Variants in C8orf34 observed in about 807,000 individuals in gnomAD.
C8orf34 encodes the protein uncharacterized protein C8orf34.
Under a neutral mutation model 68.3 loss-of-function variants are expected in C8orf34, and 65 were observed. The ratio of observed to expected loss-of-function variants is 0.95; its 90% CI spans 0.78 to 1.17. C8orf34 has a LOEUF of 1.17. Ranked by LOEUF, C8orf34 falls within the 50% of genes most tolerant of loss-of-function variation. The pLI is 0.00. For missense variants in C8orf34, 664 were observed against 655.4 expected (o/e 1.01, Z -0.14); for synonymous variants, 244 against 241.2 (o/e 1.01, Z -0.11).
At chr8:68,488,098 T>A in intron 5 of C8orf34, 47 bp downstream of exon 5, 1 of 1,343,736 alleles carries the variant, frequency 7.4e-7, no homozygotes, top group Non-Finnish European at 1.0e-6. Context: ...AGAACTTACC[T>A]TTTATTCCAC....
chr8:68,408,254 T>C (rs1809286582), intron 1 of C8orf34, among the ~76,000 whole-genome samples: 1 of 151,834 alleles, frequency 6.6e-6, no homozygotes, highest in Admixed American at 6.6e-5. Context: ...CACCCCCAGA[T>C]GGGACCATCT....
chr8:68,348,321 C>T lies in C8orf34; in HGVS notation c.327+16982C>T, dbSNP rs111669042. ...CTCTCTATTCTGTTCCACTGGTCTA[C>T]GTGCCTGTTTTTATACCAGTATCAT... On this transcript the variant is annotated intron_variant, in intron 1 of 13. Transcript: ENST00000518698. Among the ~76,000 whole-genome samples the T allele has an allele frequency of 8.1e-3, 1,236 of 151,798 alleles. 41 individuals carry two copies. The East Asian group carries it at 0.1, about 13-fold the overall frequency.
chr8:68,567,562 TTTTG>T (rs1396419809), intron 7 of C8orf34, among the ~76,000 whole-genome samples: 1 of 149,338 alleles, frequency 6.7e-6, no homozygotes, highest in Non-Finnish European at 1.5e-5. Flanking sequence ...TCTTTTCAAA[TTTTG>T]TTTCATTTAT....
At chr8:68,406,617 T>C (rs916076290) in intron 1 of C8orf34, among the ~76,000 whole-genome samples, 22 of 152,046 alleles carry the variant, frequency 1.4e-4, no homozygotes, top group African/African-American at 5.1e-4. Flanking sequence ...GGCCCCAGCC[T>C]TTCAAGTAGC....
Position 68,774,333 on chromosome 8 carries a change from A to G in C8orf34, c.1405-2066A>G, listed in dbSNP as rs200021608. On this transcript the variant is annotated intron_variant, in intron 10 of 13. Transcript: ENST00000518698. ...TGTATAAAAATATGGGTGTGTGTGTATATATATATATATATAAAATAAACA... is the reference window on the plus strand; with the variant it reads ...TGTATAAAAATATGGGTGTGTGTGTGTATATATATATATATAAAATAAACA... Among the ~76,000 whole-genome samples, 23 of 141,634 alleles carry G rather than the reference A, an allele frequency of 1.6e-4. No homozygotes were observed. In the East Asian group the frequency reaches 1.8e-3, roughly 11 times the overall value. The allele number at this position is 141,634 out of a possible 152,430, so 92.9% of individuals were successfully genotyped here.
Position 68,645,432 on chromosome 8 carries a change from C to A in C8orf34, c.1241+4921C>A, listed in dbSNP as rs542842182. ...TAAGATATTAAGGAAAAAAGAGCCT[C>A]ATTTTCCTGACATTGAGTGTTTTCT... On this transcript the variant is annotated intron_variant, in intron 8 of 13. Coordinates refer to ENST00000518698, the MANE Select transcript of C8orf34 (RefSeq NM_052958.4). Among the ~76,000 whole-genome samples, 96 of 152,264 alleles carry A rather than the reference C, an allele frequency of 6.3e-4. 1 individual carries two copies. The highest frequency in any genetic ancestry group is 2.2e-3 in the African/African-American group (92 of 41,562).
rs756583501 is a variant in C8orf34 at position 68,533,043 on chromosome 8, C to T, written c.999C>T (p.Leu333=). Residue 333 remains leucine, a synonymous_variant, in exon 7 of 14, where the codon CTC becomes CTT. Coordinates refer to ENST00000518698, the MANE Select transcript of C8orf34 (RefSeq NM_052958.4). ...LKQQQQQHKK[L]LAAMLSQDSF... is the part of the protein sequence containing the mutation. ...AGCAGCAACAGCAACATAAGAAACT[C>T]CTGGCCGCAATGCTCTCTCAAGATT... 7 of 1,611,416 alleles carry T rather than the reference C, an allele frequency of 4.3e-6. No individual in the cohort carries two copies. Among genetic ancestry groups the T allele is most frequent in the Admixed American group, 1.7e-5 (1 of 59,938 alleles).
At chr8:68,461,244 A>C (rs975483150) in intron 3 of C8orf34, among the ~76,000 whole-genome samples, 1 of 152,332 alleles carries the variant, frequency 6.6e-6, no homozygotes, top group Admixed American at 6.5e-5. Flanking sequence ...TTAGAGAAAA[A>C]CGAATAAAAA....
chr8:68,379,536 G>T (rs562884919), intron 1 of C8orf34, among the ~76,000 whole-genome samples: 1 of 152,238 alleles, frequency 6.6e-6, no homozygotes, highest in South Asian at 2.1e-4. Context: ...TGCTACTCTT[G>T]TTTTTCTTTC....
At chr8:68,662,917 A>G (rs1819725172) in intron 8 of C8orf34, among the ~76,000 whole-genome samples, 1 of 152,202 alleles carries the variant, frequency 6.6e-6, no homozygotes, top group South Asian at 2.1e-4. Context: ...TCACCCAAAT[A>G]TGCCTCTTTG....
At chr8:68,665,831 T>C (rs1444906195) in intron 8 of C8orf34, among the ~76,000 whole-genome samples, 1 of 151,784 alleles carries the variant, frequency 6.6e-6, no homozygotes, top group African/African-American at 2.4e-5. Flanking sequence ...TTATTATTGA[T>C]TTCACTCCAT....
At chr8:68,563,140 A>G (rs1209297211) in intron 7 of C8orf34, among the ~76,000 whole-genome samples, 4 of 152,316 alleles carry the variant, frequency 2.6e-5, no homozygotes, top group Non-Finnish European at 5.9e-5. Context: ...TGATACTTTC[A>G]GTAATTAACA....
chr8:68,708,993 G>A lies in C8orf34; in HGVS notation c.1242-1G>A, dbSNP rs1325920311. On this transcript the variant is annotated splice_acceptor_variant, in intron 8 of 13. Coordinates refer to ENST00000518698, the MANE Select transcript of C8orf34 (RefSeq NM_052958.4). LOFTEE classifies it high-confidence loss of function. ...TTCAATGATCATTTTTAATTATTTA[G>A]GCTTCAAGGAGACAACCTGGAAGAA... 1.3e-6 allele frequency: 2 copies of A among 1,594,582 alleles called. No individual in the cohort carries two copies. Among genetic ancestry groups the A allele is most frequent in the Non-Finnish European group, 1.7e-6 (2 of 1,167,542 alleles).
At chr8:68,435,194 A>G (rs2129625229) in intron 1 of C8orf34, among the ~76,000 whole-genome samples, 1 of 148,854 alleles carries the variant, frequency 6.7e-6, no homozygotes, top group South Asian at 2.1e-4. Flanking sequence ...TATATAATAA[A>G]AATATATAAA....
In C8orf34 at chr8:68,389,565, T is replaced by C. The variant is rs143606319; in HGVS notation, c.328-49934T>C. Reference sequence around the variant, plus strand: ...TATACTTGTTATCCACATGGTACATTAGCCTCCCTTGTTAAGAGGCAGGGA... The same window carrying C: ...TATACTTGTTATCCACATGGTACATCAGCCTCCCTTGTTAAGAGGCAGGGA... On this transcript the variant is annotated intron_variant, in intron 1 of 13. Transcript: ENST00000518698. 2.2e-3 allele frequency among the ~76,000 whole-genome samples: 328 copies of C among 152,258 alleles called. 2 individuals are homozygous for C. The highest frequency in any genetic ancestry group is 7.8e-3 in the African/African-American group (325 of 41,550).
chr8:68,488,439 TTTTG>T (rs1479185241), intron 5 of C8orf34, among the ~76,000 whole-genome samples: 14 of 152,152 alleles, frequency 9.2e-5, no homozygotes, highest in African/African-American at 1.7e-4. Context: ...CAATAAAGCT[TTTTG>T]TTTGTTTATT....
chr8:68,638,027 G>T (rs910852525), intron 7 of C8orf34, among the ~76,000 whole-genome samples: 2 of 152,110 alleles, frequency 1.3e-5, no homozygotes, highest in African/African-American at 2.4e-5. Flanking sequence ...ACTACCAGGG[G>T]TCTTTAGAAA....
At chr8:68,548,017 G>T (rs377297331) in intron 7 of C8orf34, among the ~76,000 whole-genome samples, 2 of 151,818 alleles carry the variant, frequency 1.3e-5, no homozygotes, top group East Asian at 3.9e-4. Flanking sequence ...AATGAACTTT[G>T]ACCCTCTACG....
chr8:68,722,061 A>G (rs1448217040), intron 10 of C8orf34, among the ~76,000 whole-genome samples: 2 of 152,080 alleles, frequency 1.3e-5, no homozygotes, highest in Non-Finnish European at 2.9e-5. Flanking sequence ...GGCTGCCATA[A>G]CAAAGTAGCA....
Sources: allele counts gnomAD v4.1 joint callset (sites outside exome capture counted in the v4.1 genomes callset), GRCh38; gene constraint gnomAD v4.1.1; transcripts MANE v1.5; gene names NCBI Gene and HGNC (gene_info 2026-07-23, HGNC 2026-07-21).